Variants in SMCHD1 observed in about 807,000 individuals in gnomAD.
SMCHD1 encodes the protein structural maintenance of chromosomes flexible hinge domain containing 1.
SMCHD1 carries 78 observed loss-of-function variants against 254.7 expected under a neutral mutation model. The ratio of observed to expected loss-of-function variants is 0.31; its 90% confidence interval spans 0.26 to 0.37. The LOEUF (loss-of-function observed/expected upper bound fraction) is 0.37. SMCHD1 is among the 10% of genes least tolerant of loss of function. The pLI, the probability that SMCHD1 is intolerant of heterozygous loss-of-function variation, is 1.00. For missense variants in SMCHD1, 1,840 were observed against 2,408.1 expected (o/e 0.76, Z 4.94); for synonymous variants, 766 against 794.9 (o/e 0.96, Z 0.61).
At chr18:2,749,652 TTGAG>T (rs1320750099) in intron 30 of SMCHD1, among the ~76,000 whole-genome samples, 1 of 152,172 alleles carries the variant, frequency 6.6e-6, no homozygotes, top group African/African-American at 2.4e-5. Flanking sequence ...ATGCTTTGAC[TTGAG>T]TATGTGTGTA....
At chr18:2,768,798 C>G (rs1159920841) in intron 37 of SMCHD1, among the ~76,000 whole-genome samples, 1 of 151,036 alleles carries the variant, frequency 6.6e-6, no homozygotes, top group Non-Finnish European at 1.5e-5. Flanking sequence ...GTATATGTTA[C>G]TTATTTTTAA....
At chr18:2,705,606 A>G in intron 13 of SMCHD1, 88 bp from the exon 14 acceptor site, 1 of 515,824 alleles carries the variant, frequency 1.9e-6, no homozygotes, top group Non-Finnish European at 3.2e-6. Flanking sequence ...TTTGTAATAA[A>G]GAAGTTCTGT....
rs1423153464 is a variant in SMCHD1 at position 2,771,584 on chromosome 18, A to C, written c.5018A>C (p.Lys1673Thr). Residue 1673 changes from lysine (K) to threonine (T), a missense_variant, in exon 40 of 48, where the codon AAA becomes ACA. By Grantham distance (78) the Lys-to-Thr change is moderately conservative. Coordinates refer to ENST00000320876, the MANE Select transcript of SMCHD1 (RefSeq NM_015295.3). ...GAGGCCCAATTGCGAAATGAACTAA[A>C]AATACATAATATTGACATTCCTACA... ...LKEAQLRNEL[K>T]IHNIDIPTTQ... The C allele has an allele frequency of 3.2e-6, 5 of 1,569,706 alleles. No individual in the cohort carries two copies. Among genetic ancestry groups the C allele is most frequent in the Non-Finnish European group, 4.3e-6 (5 of 1,168,272 alleles).
chr18:2,781,332 C>G (rs1205516230), intron 44 of SMCHD1, among the ~76,000 whole-genome samples: 1 of 152,224 alleles, frequency 6.6e-6, no homozygotes, highest in African/African-American at 2.4e-5. Context: ...ACAATTGACT[C>G]TAATATCTGT....
chr18:2,782,264 A>T (rs1260537700), intron 44 of SMCHD1, among the ~76,000 whole-genome samples: 1 of 152,142 alleles, frequency 6.6e-6, no homozygotes, highest in Non-Finnish European at 1.5e-5. Flanking sequence ...TTTTGTCCTA[A>T]TAGTGTACTT....
intron 44 of SMCHD1, among the ~76,000 whole-genome samples, chr18:2,781,963 AT>A (rs1198588941): frequency 5.9e-5 from 9 of 152,220 alleles, no homozygotes; most frequent in African/African-American, 2.2e-4. Context: ...ATGGCTGAAA[AT>A]ATCTTAAAAC....
At position 2,688,660 on chromosome 18, in the gene SMCHD1, T is replaced by C; in HGVS notation, c.786T>C (p.Val262=). The part of the protein sequence containing the change: ...MISKPADSQD[V]HELVLSKEDF... ...GCAAACCTGCAGATTCCCAAGATGT[T>C]CACGAGCTTGTGCTTTCTAAAGAAG... Residue 262 remains valine, a synonymous_variant, in exon 7 of 48, where the codon GTT becomes GTC. Transcript: ENST00000320876. The C allele has an allele frequency of 6.4e-7, 1 of 1,563,496 alleles. No homozygotes were observed. The highest frequency in any genetic ancestry group is 1.4e-5 in the African/African-American group (1 of 73,306).
chr18:2,660,730 G>A (rs542959609), intron 1 of SMCHD1, among the ~76,000 whole-genome samples: 219 of 151,834 alleles, frequency 1.4e-3, no homozygotes, highest in African/African-American at 4.8e-3. Flanking sequence ...TACCCACCTC[G>A]GCCTCCAAAA....
rs576286558 is a variant in SMCHD1 at position 2,740,611 on chromosome 18, G to A, written c.3515-92G>A. 1,979 of 544,038 alleles carry A rather than the reference G, an allele frequency of 3.6e-3. 12 individuals carry two copies. Among genetic ancestry groups the A allele is most frequent in the Non-Finnish European group, 4.9e-3 (1,663 of 338,158 alleles). The allele number at this position is 544,038 out of a possible 1,614,324, so 33.7% of individuals were successfully genotyped here. A position where few individuals can be genotyped will look rare whatever the true frequency, so the allele number is the denominator to read the frequency against. ...AAATTACTCAGTAAGAGAACAAAGAGTAAGTTTCTAAGCATGTTTTTATAG... is the reference window on the plus strand; with the variant it reads ...AAATTACTCAGTAAGAGAACAAAGAATAAGTTTCTAAGCATGTTTTTATAG... On this transcript the variant is annotated intron_variant, in intron 27 of 47. Coordinates refer to ENST00000320876, the MANE Select transcript of SMCHD1 (RefSeq NM_015295.3).
intron 20 of SMCHD1, among the ~76,000 whole-genome samples, chr18:2,723,984 G>T (rs2074977640): frequency 6.6e-6 from 1 of 151,702 alleles, no homozygotes; most frequent in Non-Finnish European, 1.5e-5. Flanking sequence ...AAGTTTGGTT[G>T]CCCTGTCTCT....
chr18:2,667,673 C>A (rs2073477041), intron 3 of SMCHD1, among the ~76,000 whole-genome samples: 1 of 152,114 alleles, frequency 6.6e-6, no homozygotes, highest in Non-Finnish European at 1.5e-5. Context: ...TAAAGAATAT[C>A]TCTACTACCC....
At chr18:2,766,378 A>G (rs2075869110) in intron 37 of SMCHD1, among the ~76,000 whole-genome samples, 1 of 152,244 alleles carries the variant, frequency 6.6e-6, no homozygotes, top group Admixed American at 6.5e-5. Flanking sequence ...CAAGAGATTT[A>G]GCTATTCCCC....
chr18:2,784,772 CT>C, intron 45 of SMCHD1, 151 bp downstream of exon 45: 1 of 842,732 alleles, frequency 1.2e-6, no homozygotes, highest in Non-Finnish European at 1.9e-6. Context: ...CTACTTTCAG[CT>C]TTTTTATATC....
chr18:2,803,130 A>G lies in SMCHD1; in HGVS notation c.*578A>G, dbSNP rs555412814. The G allele has an allele frequency of 1.3e-5, 2 of 150,344 alleles. No individual in the cohort carries two copies. The highest frequency in any genetic ancestry group is 1.9e-4 in the East Asian group (1 of 5,162). The allele number at this position is 150,344 out of a possible 1,614,324, so 9.3% of individuals were successfully genotyped here. On this transcript the variant is annotated 3_prime_UTR_variant, in exon 48 of 48. Coordinates refer to ENST00000320876, the MANE Select transcript of SMCHD1 (RefSeq NM_015295.3). ...AGATACCCAGAACAACATTAAATCAATGAGTGAACTTGTGACAGTGGTAGC... is the reference window on the plus strand; with the variant it reads ...AGATACCCAGAACAACATTAAATCAGTGAGTGAACTTGTGACAGTGGTAGC...
In SMCHD1 at chr18:2,656,002, G is replaced by A; in HGVS notation, c.-74G>A. On this transcript the variant is annotated 5_prime_UTR_variant, in exon 1 of 48. Coordinates refer to ENST00000320876, the MANE Select transcript of SMCHD1 (RefSeq NM_015295.3). Reference sequence around the variant, plus strand: ...CGCCCCGGGAGCTGGAGCTGAAGGCGCCGCGCGGAGCGCGCACCTCAGCCC... The same window carrying A: ...CGCCCCGGGAGCTGGAGCTGAAGGCACCGCGCGGAGCGCGCACCTCAGCCC... 8.3e-7 allele frequency: 1 copy of A among 1,206,912 alleles called. No individual in the cohort carries two copies. The highest frequency in any genetic ancestry group is 1.0e-6 in the Non-Finnish European group (1 of 961,478). 74.8% of individuals were successfully genotyped at this position (1,206,912 alleles called of 1,614,324 possible).
chr18:2,673,523 G>A (rs1385421452), intron 4 of SMCHD1, among the ~76,000 whole-genome samples, 160 bp downstream of exon 4: 2 of 152,030 alleles, frequency 1.3e-5, no homozygotes, highest in Non-Finnish European at 2.9e-5. Context: ...TTTTTCCTAT[G>A]CATATATGTA....
chr18:2,780,843 A>G (rs958304641), intron 44 of SMCHD1, among the ~76,000 whole-genome samples: 1 of 152,164 alleles, frequency 6.6e-6, no homozygotes, highest in Non-Finnish European at 1.5e-5. Context: ...ATCACTAGGC[A>G]CAGTGCACTG....
At chr18:2,707,337 T>G (rs1427882955) in intron 15 of SMCHD1, 4 of 309,326 alleles carry the variant, frequency 1.3e-5, no homozygotes, top group Middle Eastern at 8.7e-4. Flanking sequence ...AGTTTCTGGC[T>G]TTTAATTCCA....
At chr18:2,686,133 C>G (rs373005810) in intron 5 of SMCHD1, among the ~76,000 whole-genome samples, 12 of 152,070 alleles carry the variant, frequency 7.9e-5, no homozygotes, top group South Asian at 2.1e-4. Flanking sequence ...TCTCTTCCCC[C>G]CAAACCCCAA....
Sources: gnomAD v4.1 joint callset for allele counts (sites outside exome capture counted in the v4.1 genomes callset) on GRCh38, gnomAD v4.1.1 for gene constraint, MANE v1.5 for transcripts, NCBI Gene and HGNC (gene_info 2026-07-23, HGNC 2026-07-21) for gene names.